GLRA2: variants seen among roughly 807,000 people sequenced by gnomAD.
The protein encoded by GLRA2 is glycine receptor alpha 2, also known as glycine receptor subunit alpha-2.
GLRA2 carries 11 observed loss-of-function variants against 31.6 expected under a neutral mutation model. The observed-to-expected ratio is 0.35, with a 90% confidence interval of 0.22 to 0.58. The LOEUF (loss-of-function observed/expected upper bound fraction) is 0.58, where lower values mean the gene tolerates loss of function less well. GLRA2 is among the 20% of genes least tolerant of loss of function. The probability of loss-of-function intolerance (pLI) is 0.84; values close to 1 mark genes in which losing one functional copy is unlikely to be tolerated. For missense variants in GLRA2, 212 were observed against 351.8 expected, an observed-to-expected ratio of 0.60 and a Z score of 3.18; for synonymous variants, 132 against 134.0, an observed-to-expected ratio of 0.99 and a Z score of 0.10.
At chrX:14,502,432 ATG>A in the GLRA2 span, among the ~76,000 whole-genome samples, 4 of 111,966 alleles carry the variant, frequency 3.6e-5, no homozygotes, top group African/African-American at 9.7e-5. Context: ...AAATATGCAA[ATG>A]TGAGATTTTT....
intron 7 of GLRA2, among the ~76,000 whole-genome samples, chrX:14,661,097 CATGAATGAATGA>C (rs552553651): frequency 1.0e-4 from 11 of 108,373 alleles, no homozygotes; most frequent in South Asian, 8.1e-4. Flanking sequence ...AAAGATGCTA[CATGAATGAATGA>C]ATGAATGAAT....
chrX:14,669,792 GGGA>G (rs1165107494), intron 7 of GLRA2, among the ~76,000 whole-genome samples: 1 of 111,628 alleles, frequency 9.0e-6, no homozygotes, highest in African/African-American at 3.3e-5. Context: ...GGCCTGTGAT[GGGA>G]GGGGCTGCTG....
At chrX:14,452,924 C>T in the GLRA2 span, among the ~76,000 whole-genome samples, 1 of 111,965 alleles carries the variant, frequency 8.9e-6, no homozygotes, top group Non-Finnish European at 1.9e-5. Flanking sequence ...TTGCTTCTGC[C>T]TGAGACTAGC....
the GLRA2 span, among the ~76,000 whole-genome samples, chrX:14,459,664 GCT>G: frequency 4.5e-5 from 5 of 111,345 alleles, no homozygotes; most frequent in Non-Finnish European, 9.4e-5. Flanking sequence ...CCATGATTTG[GCT>G]CTCTGTTTGT....
intron 4 of GLRA2, among the ~76,000 whole-genome samples, chrX:14,592,575 G>T (rs1383648770): frequency 9.0e-6 from 1 of 111,295 alleles, no homozygotes; most frequent in Non-Finnish European, 1.9e-5. Flanking sequence ...AGGGGGCTGA[G>T]GCAGGAGGAT....
intron 4 of GLRA2, among the ~76,000 whole-genome samples, chrX:14,584,490 A>G (rs1398599302): frequency 1.8e-5 from 2 of 111,951 alleles, no homozygotes; most frequent in East Asian, 5.6e-4. Flanking sequence ...ACAACTCTGT[A>G]TATGATTTGG....
chrX:14,636,740 G>A (rs2090713784), intron 7 of GLRA2, among the ~76,000 whole-genome samples: 1 of 111,767 alleles, frequency 8.9e-6, no homozygotes, highest in South Asian at 3.8e-4. Flanking sequence ...GTTAACACTA[G>A]GGGAAACTAG....
the GLRA2 span, among the ~76,000 whole-genome samples, chrX:14,460,206 A>G: frequency 8.9e-6 from 1 of 111,958 alleles, no homozygotes. Flanking sequence ...CCAGCCTTGT[A>G]TCCCAGGGAT....
chrX:14,722,983 A>G (rs1037793860), intron 8 of GLRA2, among the ~76,000 whole-genome samples: 2 of 112,746 alleles, frequency 1.8e-5, no homozygotes, highest in Non-Finnish European at 3.7e-5. Flanking sequence ...TTTTAACTGT[A>G]TTGGCTAATG....
intron 2 of GLRA2, among the ~76,000 whole-genome samples, chrX:14,552,469 T>A (rs1477615190): frequency 8.9e-6 from 1 of 112,531 alleles, no homozygotes; most frequent in Non-Finnish European, 1.9e-5. Flanking sequence ...ATCCAGAAGC[T>A]AATGTTCAGA....
intron 7 of GLRA2, among the ~76,000 whole-genome samples, chrX:14,678,910 C>T (rs769076065): frequency 5.4e-5 from 6 of 111,219 alleles, no homozygotes; most frequent in Non-Finnish European, 7.5e-5. Flanking sequence ...CATCTTAAAC[C>T]GGTGACATCT....
rs150830667 is a variant in GLRA2 at position 14,690,568 on chromosome X, C to T, written c.931-142C>T. 26 of 443,349 alleles carry T rather than the reference C, an allele frequency of 5.9e-5. No individual in the cohort carries two copies. In the East Asian group the frequency reaches 7.3e-4, roughly 13 times the overall value. 36.5% of individuals were successfully genotyped at this position (443,349 alleles called of 1,213,427 possible). ...TGGCTTAAGCACTTTCTTAAGAAAA[C>T]GCTGGAAAATCATTGACCAAGGAAA... On this transcript the variant is annotated intron_variant, in intron 7 of 8. Transcript: ENST00000218075.
At chrX:14,702,264 G>A (rs921770697) in intron 8 of GLRA2, among the ~76,000 whole-genome samples, 2 of 111,626 alleles carry the variant, frequency 1.8e-5, no homozygotes, top group African/African-American at 6.5e-5. Context: ...ATAAATGATA[G>A]AATGCTACAA....
intron 7 of GLRA2, among the ~76,000 whole-genome samples, chrX:14,662,229 C>T (rs1268675359): frequency 1.8e-5 from 2 of 109,575 alleles, no homozygotes; most frequent in African/African-American, 6.7e-5. Flanking sequence ...TGTTCCTTTG[C>T]AATTCATAAA....
At chrX:14,551,363 A>G (rs757821066) in intron 2 of GLRA2, among the ~76,000 whole-genome samples, 2 of 112,130 alleles carry the variant, frequency 1.8e-5, no homozygotes, top group African/African-American at 6.5e-5. Flanking sequence ...GAGCACATTA[A>G]TAATCCTCCA....
the GLRA2 span, among the ~76,000 whole-genome samples, chrX:14,472,172 T>C: frequency 8.9e-6 from 1 of 111,912 alleles, no homozygotes; most frequent in East Asian, 2.8e-4. Flanking sequence ...TTTAAATCAG[T>C]TGTGGCCTCT....
intron 2 of GLRA2, among the ~76,000 whole-genome samples, chrX:14,556,533 G>T (rs2089644932): frequency 8.9e-6 from 1 of 111,781 alleles, no homozygotes; most frequent in Non-Finnish European, 1.9e-5. Context: ...AGCATAAATA[G>T]AAATATATGT....
chrX:14,644,740 C>A (rs750696635), intron 7 of GLRA2, among the ~76,000 whole-genome samples: 8 of 111,762 alleles, frequency 7.2e-5, no homozygotes, highest in Non-Finnish European at 1.5e-4. Context: ...TAATTTTATT[C>A]CCTACCTAAA....
Position 14,607,129 on chromosome X carries a change from A to T in GLRA2, c.578-2A>T. ...ATTTTCACTATGATTTCTTTACCTC[A>T]GTTGGGTACACGATGAATGACCTGA... On this transcript the variant is annotated splice_acceptor_variant, in intron 5 of 8. Coordinates refer to ENST00000218075, the MANE Select transcript of GLRA2 (RefSeq NM_002063.4). LOFTEE classifies it high-confidence loss of function. 1 of 1,178,850 alleles carries T rather than the reference A, an allele frequency of 8.5e-7. No homozygotes were observed. The highest frequency in any genetic ancestry group is 1.1e-6 in the Non-Finnish European group (1 of 870,346).
Sources: allele counts gnomAD v4.1 joint callset (sites outside exome capture counted in the v4.1 genomes callset), GRCh38; gene constraint gnomAD v4.1.1; transcripts MANE v1.5; gene names NCBI Gene and HGNC (gene_info 2026-07-23, HGNC 2026-07-21).